RBFOX1: variants seen among roughly 807,000 people sequenced by gnomAD.
The protein encoded by RBFOX1 is RNA binding fox-1 homolog 1.
Under a neutral mutation model 57.7 loss-of-function variants are expected in RBFOX1, and 8 were observed. That is an observed-to-expected ratio of 0.14 (90% CI 0.08 to 0.25). The LOEUF (loss-of-function observed/expected upper bound fraction) is 0.25, where lower values mean the gene tolerates loss of function less well. RBFOX1 is among the 10% of genes least tolerant of loss of function. The pLI is 1.00. For synonymous variants in RBFOX1, 326 were observed against 222.4 expected (o/e 1.47, Z -4.15); for missense variants, 611 against 548.5 (o/e 1.11, Z -1.14).
intron 4 of RBFOX1, among the ~76,000 whole-genome samples, chr16:5,881,525 C>G (rs1164827643): frequency 3.3e-5 from 5 of 151,888 alleles, no homozygotes; most frequent in Non-Finnish European, 7.4e-5. Context: ...ACCAAAAATA[C>G]AAAAATTAGC....
intron 1 of RBFOX1, among the ~76,000 whole-genome samples, chr16:6,109,979 G>C (rs533433411): frequency 6.6e-6 from 1 of 151,822 alleles, no homozygotes; most frequent in East Asian, 1.9e-4. Context: ...ATGTATCTTG[G>C]GTCTCTAATA....
chr16:5,926,712 A>G (rs933482564), intron 4 of RBFOX1, among the ~76,000 whole-genome samples: 4 of 152,194 alleles, frequency 2.6e-5, no homozygotes, highest in Non-Finnish European at 5.9e-5. Flanking sequence ...ATTTTTACCC[A>G]TTGGGTGGAT....
chr16:6,132,596 C>T (rs541062587), intron 1 of RBFOX1, among the ~76,000 whole-genome samples: 40 of 152,196 alleles, frequency 2.6e-4, no homozygotes, highest in African/African-American at 9.2e-4. Flanking sequence ...CAGGAGTACA[C>T]GTGAAGCTAG....
At chr16:5,628,813 C>T (rs2048418045) in intron 3 of RBFOX1, among the ~76,000 whole-genome samples, 2 of 152,182 alleles carry the variant, frequency 1.3e-5, no homozygotes, top group Admixed American at 1.3e-4. Context: ...GAAGGGAGAT[C>T]TCATGGCACC....
chr16:6,428,848 A>C (rs1733174063), intron 2 of RBFOX1, among the ~76,000 whole-genome samples: 1 of 152,250 alleles, frequency 6.6e-6, no homozygotes, highest in Admixed American at 6.5e-5. Flanking sequence ...TTCAACACAC[A>C]AACGAGGCTG....
intron 4 of RBFOX1, among the ~76,000 whole-genome samples, chr16:7,173,630 C>T (rs557884524): frequency 5.1e-4 from 78 of 152,164 alleles, no homozygotes; most frequent in Non-Finnish European, 7.4e-4. Context: ...AGGGAAAGAG[C>T]AGTAAAGATA....
rs529514356 is a variant in RBFOX1, at chr16:6,625,813, C to G, written c.-63-28790C>G. Among the ~76,000 whole-genome samples the G allele has an allele frequency of 1.3e-3, 202 of 152,268 alleles. 1 individual carries two copies. Among genetic ancestry groups the G allele is most frequent in the African/African-American group, 4.6e-3 (190 of 41,560 alleles). ...ATAGAAGGAGAATGATGATTATCAG[C>G]TAATTTAATTATGTTTCTACATTTG... On this transcript the variant is annotated intron_variant, in intron 2 of 15. Transcript: ENST00000550418.
chr16:6,986,178 T>TTA (rs1568232735), intron 3 of RBFOX1, among the ~76,000 whole-genome samples: 38 of 143,534 alleles, frequency 2.6e-4, no homozygotes, highest in African/African-American at 6.2e-4. Context: ...AATCACCAAT[T>TTA]TCTATTTTTA....
intron 4 of RBFOX1, among the ~76,000 whole-genome samples, chr16:7,119,124 A>G (rs1338272663): frequency 6.6e-6 from 1 of 152,142 alleles, no homozygotes; most frequent in Non-Finnish European, 1.5e-5. Context: ...GTTGCAATGT[A>G]TGTGTGCTCT....
intron 1 of RBFOX1, among the ~76,000 whole-genome samples, chr16:6,044,327 G>C (rs2095473035): frequency 2.0e-5 from 3 of 152,108 alleles, no homozygotes; most frequent in South Asian, 2.1e-4. Context: ...AAAGCTTTGT[G>C]CGTTCTTAAC....
intron 1 of RBFOX1, among the ~76,000 whole-genome samples, chr16:6,251,984 G>A (rs909837132): frequency 2.0e-5 from 3 of 152,062 alleles, no homozygotes; most frequent in Admixed American, 6.6e-5. Context: ...GTCAGCCTGT[G>A]TAACATAATG....
At chr16:5,384,252 T>A (rs919552134) in intron 1 of RBFOX1, among the ~76,000 whole-genome samples, 1 of 152,186 alleles carries the variant, frequency 6.6e-6, no homozygotes, top group Non-Finnish European at 1.5e-5. Context: ...ACTCCCTACC[T>A]GGACTGAAAG....
At chr16:7,242,489 G>C (rs997241287) in intron 4 of RBFOX1, among the ~76,000 whole-genome samples, 30 of 152,274 alleles carry the variant, frequency 2.0e-4, no homozygotes, top group African/African-American at 5.8e-4. Flanking sequence ...TATAGATACA[G>C]TGTACCTCCC....
At position 5,949,660 on chromosome 16, in the gene RBFOX1, A is replaced by G. The variant is rs895830724; in HGVS notation, c.351+82325A>G. On this transcript the variant is annotated intron_variant, in intron 4 of 19. Transcript: ENST00000641259. ...CTTTTCTTGTTGGTCTTTTACAACA[A>G]TTAACAGTTTTGAATGGTCAAGCCA... Among the ~76,000 whole-genome samples the G allele has an allele frequency of 2.0e-5, 3 of 152,118 alleles. No individual in the cohort carries two copies. The East Asian group carries it at 5.8e-4, about 29-fold the overall frequency.
intron 4 of RBFOX1, among the ~76,000 whole-genome samples, chr16:5,885,290 C>A (rs911460168): frequency 6.7e-6 from 1 of 150,092 alleles, no homozygotes; most frequent in Non-Finnish European, 1.5e-5. Context: ...TGTTCTTACC[C>A]AGAATGTCAC....
At chr16:7,430,089 G>T (rs552450655) in intron 4 of RBFOX1, among the ~76,000 whole-genome samples, 1 of 152,284 alleles carries the variant, frequency 6.6e-6, no homozygotes, top group East Asian at 1.9e-4. Context: ...GGAATGAATT[G>T]ATTTTTAAAA....
At chr16:5,332,915 G>C (rs2064794563) in intron 1 of RBFOX1, among the ~76,000 whole-genome samples, 1 of 152,178 alleles carries the variant, frequency 6.6e-6, no homozygotes, top group Non-Finnish European at 1.5e-5. Flanking sequence ...GCCAGGTGGA[G>C]TGGCTCACAC....
At chr16:6,439,807 C>G (rs111542207) in intron 2 of RBFOX1, among the ~76,000 whole-genome samples, 133 of 152,224 alleles carry the variant, frequency 8.7e-4, no homozygotes, top group African/African-American at 3.0e-3. Flanking sequence ...ACAAACACAC[C>G]TGAATGAACC....
chr16:6,141,623 A>G (rs1397662971), intron 1 of RBFOX1, among the ~76,000 whole-genome samples: 3 of 151,934 alleles, frequency 2.0e-5, no homozygotes, highest in African/African-American at 7.3e-5. Context: ...ACTCCCAAAT[A>G]TTTTCCTTTC....
Sources: allele counts gnomAD v4.1 joint callset (sites outside exome capture counted in the v4.1 genomes callset), GRCh38; gene constraint gnomAD v4.1.1; transcripts MANE v1.5; gene names NCBI Gene and HGNC (gene_info 2026-07-23, HGNC 2026-07-21).